Variants in ADCY7 observed in about 807,000 individuals in gnomAD.
The protein encoded by ADCY7 is adenylate cyclase 7, also known as adenylate cyclase type 7.
Under a neutral mutation model 120.6 loss-of-function variants are expected in ADCY7, and 72 were observed. That is an observed-to-expected ratio of 0.60 (90% CI 0.49 to 0.73). The LOEUF is 0.73. Ranked by LOEUF, ADCY7 falls within the 30% of genes least tolerant of loss-of-function variation. ADCY7 has a pLI of 0.00. For missense variants in ADCY7, 1,227 were observed against 1,486.0 expected, an observed-to-expected ratio of 0.83 and a Z score of 2.87; for synonymous variants, 661 against 628.0, an observed-to-expected ratio of 1.05 and a Z score of -0.78.
chr16:50,284,975 GTA>G (rs1049028342), intron 1 of ADCY7, among the ~76,000 whole-genome samples: 5 of 152,220 alleles, frequency 3.3e-5, no homozygotes, highest in Non-Finnish European at 5.9e-5. Flanking sequence ...TGAATTGAAT[GTA>G]TCTCAGGCAG....
intron 22 of ADCY7, chr16:50,313,443 AAAC>A (rs1319988640): frequency 1.6e-5 from 3 of 183,116 alleles, no homozygotes; most frequent in African/African-American, 7.1e-5. Context: ...AACAAAAAAA[AAAC>A]GACGTGGCCC....
rs1248823450 is a variant in ADCY7 at position 50,297,689 on chromosome 16, T to C, written c.949-1215T>C. ...CTGTGTCTGGGGCCTGGGTCTGTGA[T>C]GGCTGATGGGCACAGAGTAGGGACG... On this transcript the variant is annotated intron_variant, in intron 7 of 25. Coordinates refer to ENST00000673801, the MANE Select transcript of ADCY7 (RefSeq NM_001114.5). This position sits in a 1 kb window ranked among gnomAD's most constrained non-coding sequence, Gnocchi z 4.4. Among the ~76,000 whole-genome samples the C allele has an allele frequency of 6.6e-6, 1 of 152,162 alleles. No individual in the cohort carries two copies. The highest frequency in any genetic ancestry group is 1.5e-5 in the Non-Finnish European group (1 of 68,014).
intron 1 of ADCY7, among the ~76,000 whole-genome samples, chr16:50,251,608 A>G (rs1246107180): frequency 6.6e-6 from 1 of 152,238 alleles, no homozygotes; most frequent in East Asian, 1.9e-4. Context: ...CATAAAGCCT[A>G]GATTTCTAGT....
At chr16:50,311,277 A>T (rs2036440216) in intron 19 of ADCY7, among the ~76,000 whole-genome samples, 1 of 152,104 alleles carries the variant, frequency 6.6e-6, no homozygotes, top group Non-Finnish European at 1.5e-5. Context: ...TCCCAAGTGG[A>T]TTAAGGAGCG....
rs1404966349 is a variant in ADCY7 at position 50,316,310 on chromosome 16, G to C, written c.*805G>C. The C allele has an allele frequency of 6.6e-6, 1 of 152,406 alleles. No homozygotes were observed. Among genetic ancestry groups the C allele is most frequent in the Non-Finnish European group, 1.5e-5 (1 of 68,064 alleles). 9.4% of individuals were successfully genotyped at this position (152,406 alleles called of 1,614,324 possible). ...CACAGCAAGAAGGCGGGGAGCAGCA[G>C]AGCCTTGCCTTTGAATGAGGCAGCT... On this transcript the variant is annotated 3_prime_UTR_variant, in exon 26 of 26. Coordinates refer to ENST00000673801, the MANE Select transcript of ADCY7 (RefSeq NM_001114.5).
At chr16:50,308,958 G>A in intron 17 of ADCY7, 166 bp downstream of exon 17, 1 of 862,174 alleles carries the variant, frequency 1.2e-6, no homozygotes, top group Non-Finnish European at 1.6e-6. Flanking sequence ...CTCACCTTTG[G>A]GTTCTCAAAT....
At chr16:50,253,529 T>C (rs1305598683) in intron 1 of ADCY7, among the ~76,000 whole-genome samples, 2 of 152,144 alleles carry the variant, frequency 1.3e-5, no homozygotes, top group Non-Finnish European at 2.9e-5. Context: ...GCTGGAATTA[T>C]AGGTGTGAGC....
At chr16:50,286,429 C>CAAAA (rs34686094) in intron 1 of ADCY7, among the ~76,000 whole-genome samples, 16 of 112,322 alleles carry the variant, frequency 1.4e-4, no homozygotes, top group African/African-American at 5.2e-4. Flanking sequence ...GACCCCATCT[C>CAAAA]AAAAAAAAAA....
At chr16:50,313,561 C>T in intron 22 of ADCY7, 1 of 211,288 alleles carries the variant, frequency 4.7e-6, no homozygotes. Context: ...TGATGGGCAG[C>T]TTGCTAAGAT....
At chr16:50,269,072 G>C (rs2033395175) in intron 1 of ADCY7, among the ~76,000 whole-genome samples, 1 of 152,152 alleles carries the variant, frequency 6.6e-6, no homozygotes, top group African/African-American at 2.4e-5. Flanking sequence ...AGAGACAAAA[G>C]TCCGACTCGA....
rs747545813 is a variant in ADCY7 at position 50,307,071 on chromosome 16, C to T, written c.1774C>T (p.Arg592Trp). Reference protein sequence around the residue: ...EREYRLAPIPRARHDFACASL... With the variant: ...EREYRLAPIPWARHDFACASL... ...CCAGTACCGCCTGGCACCCATCCCC[C>T]GGGCCCGCCACGACTTTGCCTGCGC... Residue 592 changes from arginine to tryptophan, a missense_variant, in exon 15 of 26, where the codon CGG becomes TGG. Arg to Trp is a moderately radical substitution (Grantham distance 101, BLOSUM62 -3). Coordinates refer to ENST00000673801, the MANE Select transcript of ADCY7 (RefSeq NM_001114.5). 6.0e-5 allele frequency: 97 copies of T among 1,608,700 alleles called. No individual in the cohort carries two copies. The highest frequency in any genetic ancestry group is 7.5e-5 in the Non-Finnish European group (89 of 1,179,840).
chr16:50,278,731 TG>T (rs2034058826), intron 1 of ADCY7, among the ~76,000 whole-genome samples: 1 of 152,208 alleles, frequency 6.6e-6, no homozygotes, highest in Non-Finnish European at 1.5e-5. Context: ...CTTGCTGTCT[TG>T]TGGATGCTGC....
intron 1 of ADCY7, among the ~76,000 whole-genome samples, chr16:50,266,913 C>A (rs1032526595): frequency 6.6e-5 from 10 of 152,134 alleles, no homozygotes; most frequent in African/African-American, 2.4e-4. Context: ...TTTTCCCAGC[C>A]TGACAAGAAA....
chr16:50,252,424 G>A (rs910138198), intron 1 of ADCY7, among the ~76,000 whole-genome samples: 1 of 151,828 alleles, frequency 6.6e-6, no homozygotes, highest in East Asian at 1.9e-4. Context: ...GGTGTGGGGT[G>A]GAGGCAGCCA....
At position 50,308,310 on chromosome 16, in the gene ADCY7, T is replaced by A. The variant is rs758737124; in HGVS notation, c.1851-17T>A. Reference sequence around the variant, plus strand: ...AGAAGGCCCTAGGCAGAACTGAGGTTCTTCCCTCCTCTCCAGGACGGCGGC... The same window carrying A: ...AGAAGGCCCTAGGCAGAACTGAGGTACTTCCCTCCTCTCCAGGACGGCGGC... On this transcript the variant is annotated splice_polypyrimidine_tract_variant and intron_variant, in intron 15 of 25. Transcript: ENST00000673801. The A allele has an allele frequency of 6.2e-7, 1 of 1,614,148 alleles. No homozygotes were observed. Among genetic ancestry groups the A allele is most frequent in the Admixed American group, 1.7e-5 (1 of 60,020 alleles).
At position 50,293,334 on chromosome 16, in the gene ADCY7, G is replaced by C. The variant is rs1359842603; in HGVS notation, c.688-20G>C. On this transcript the variant is annotated intron_variant, in intron 5 of 25. Transcript: ENST00000673801. Reference sequence around the variant, plus strand: ...GGTCGCTTTGCTGGTCCCTCTGCTGGTCTGCCCACCCACACCCAGGAGAAC... The same window carrying C: ...GGTCGCTTTGCTGGTCCCTCTGCTGCTCTGCCCACCCACACCCAGGAGAAC... 1 of 1,609,626 alleles carries C rather than the reference G, an allele frequency of 6.2e-7. No homozygotes were observed. Among genetic ancestry groups the C allele is most frequent in the Middle Eastern group, 1.7e-4 (1 of 5,836 alleles).
chr16:50,272,444 G>C (rs924147330), intron 1 of ADCY7, among the ~76,000 whole-genome samples: 11 of 152,210 alleles, frequency 7.2e-5, no homozygotes, highest in Non-Finnish European at 1.3e-4. Context: ...ATTGCTTCCT[G>C]GAGTCACCGA....
At chr16:50,282,421 G>A (rs1436632160) in intron 1 of ADCY7, among the ~76,000 whole-genome samples, 1 of 152,194 alleles carries the variant, frequency 6.6e-6, no homozygotes, top group African/African-American at 2.4e-5. Context: ...TTGATAAGGA[G>A]ACCACAGTCC....
upstream of ADCY7, among the ~76,000 whole-genome samples, chr16:50,263,168 A>G (rs956236484): frequency 4.6e-5 from 7 of 152,150 alleles, no homozygotes; most frequent in African/African-American, 1.4e-4. Context: ...GGATGATAGC[A>G]GGGCCTTCCT....
Sources: allele counts gnomAD v4.1 joint callset (sites outside exome capture counted in the v4.1 genomes callset), GRCh38; gene constraint gnomAD v4.1.1; non-coding constraint Gnocchi (gnomAD v3.1); transcripts MANE v1.5; gene names NCBI Gene and HGNC (gene_info 2026-07-23, HGNC 2026-07-21).